THOP1: variants seen among roughly 807,000 people sequenced by gnomAD.
The protein encoded by THOP1 is thimet oligopeptidase.
THOP1 carries 49 observed loss-of-function variants against 71.8 expected under a neutral mutation model. That is an observed-to-expected ratio of 0.68 (90% CI 0.54 to 0.87). The LOEUF is 0.87. THOP1 is among the 40% of genes least tolerant of loss of function. The pLI is 0.00. For synonymous variants in THOP1, 426 were observed against 421.5 expected (o/e 1.01, Z -0.13); for missense variants, 843 against 975.6 (o/e 0.86, Z 1.81).
In THOP1 at chr19:2,794,840, C is replaced by T; in HGVS notation, c.306C>T (p.Asp102=). 2.5e-6 allele frequency: 4 copies of T among 1,614,054 alleles called. No homozygotes were observed. The highest frequency in any genetic ancestry group is 3.4e-6 in the Non-Finnish European group (4 of 1,179,982). The change falls in exon 3 of 13, where the codon GAC becomes GAT. Residue 102 remains aspartate (D), a synonymous_variant. Coordinates refer to ENST00000307741, the MANE Select transcript of THOP1 (RefSeq NM_003249.5). ...KDIRTASTEA[D]KKLSEFDVEM... Reference sequence around the variant, plus strand: ...TCCGGACAGCCAGCACAGAGGCCGACAAGAAGCTCTCTGAGTTCGACGTGG... The same window carrying T: ...TCCGGACAGCCAGCACAGAGGCCGATAAGAAGCTCTCTGAGTTCGACGTGG...
rs181730165 is a variant in THOP1, at chr19:2,802,874, A to G, written c.590-2142A>G. Among the ~76,000 whole-genome samples the G allele has an allele frequency of 1.8e-4, 27 of 152,330 alleles. 1 individual carries two copies. Among genetic ancestry groups the G allele is most frequent in the East Asian group, 1.7e-3 (9 of 5,178 alleles). ...TCTTATTCCCGGGTTATCATTCATT[A>G]TCATTTATCCCAGTGCTCAAATCGT... On this transcript the variant is annotated intron_variant, in intron 5 of 12. Coordinates refer to ENST00000307741, the MANE Select transcript of THOP1 (RefSeq NM_003249.5).
At chr19:2,799,215 A>G (rs1285812528) in intron 4 of THOP1, among the ~76,000 whole-genome samples, 2 of 152,108 alleles carry the variant, frequency 1.3e-5, no homozygotes, top group Non-Finnish European at 2.9e-5. Context: ...AGTCCTAGCT[A>G]CTCAGGAGGC....
intron 5 of THOP1, among the ~76,000 whole-genome samples, chr19:2,800,944 T>C (rs907100204): frequency 1.3e-5 from 2 of 152,016 alleles, no homozygotes; most frequent in African/African-American, 2.4e-5. Context: ...CGGTGCCTGA[T>C]GTTCTAGAAG....
At position 2,814,641 on chromosome 19, in the gene THOP1, C is replaced by A; in HGVS notation, c.*1365C>A. On this transcript the variant is annotated 3_prime_UTR_variant, in exon 13 of 13. Transcript: ENST00000307741. ...TCCATGCACCTGCTTCTGTGTCTTTCCAACTCTGGGGGCTAAGGGGTGAGT... is the reference window on the plus strand; with the variant it reads ...TCCATGCACCTGCTTCTGTGTCTTTACAACTCTGGGGGCTAAGGGGTGAGT... The A allele has an allele frequency of 6.5e-6, 1 of 153,034 alleles. No homozygotes were observed. Among genetic ancestry groups the A allele is most frequent in the Non-Finnish European group, 1.5e-5 (1 of 68,586 alleles). 9.5% of individuals were successfully genotyped at this position (153,034 alleles called of 1,614,324 possible).
intron 1 of THOP1, among the ~76,000 whole-genome samples, chr19:2,787,971 A>G (rs564825561): frequency 2.6e-5 from 4 of 152,306 alleles, no homozygotes; most frequent in South Asian, 4.1e-4. Context: ...CAGCCTCCCT[A>G]GTGATTTGGA....
chr19:2,802,467 CG>C (rs1916175317), intron 5 of THOP1, among the ~76,000 whole-genome samples: 2 of 147,252 alleles, frequency 1.4e-5, no homozygotes, highest in East Asian at 2.0e-4. Context: ...CCCCACCTCC[CG>C]ACACCAACAC....
At chr19:2,810,160 T>C (rs1916419594) in intron 9 of THOP1, 144 bp from the exon 10 acceptor site, 4 of 1,105,322 alleles carry the variant, frequency 3.6e-6, no homozygotes, top group Non-Finnish European at 3.7e-6. Context: ...CCGGTCGTTT[T>C]CCAGTTTTGG....
chr19:2,787,862 G>A (rs1287674402), intron 1 of THOP1, among the ~76,000 whole-genome samples: 1 of 152,186 alleles, frequency 6.6e-6, no homozygotes, highest in Non-Finnish European at 1.5e-5. Flanking sequence ...CCCAGAAAAC[G>A]ATCCGGCCCC....
At position 2,808,285 on chromosome 19, in the gene THOP1, C is replaced by T. The variant is rs376013691; in HGVS notation, c.1296C>T (p.Pro432=). ...ACGCGGCCTGCTTTGGCCTGCAGCC[C>T]GGCTGCCTGCGGCAGGATGGGAGCC... ...YGHAACFGLQ[P]GCLRQDGSRQ... The change falls in exon 9 of 13, where the codon CCC becomes CCT. Residue 432 remains proline, a synonymous_variant. Transcript: ENST00000307741. 3.6e-3 allele frequency: 5,561 copies of T among 1,563,128 alleles called. 14 individuals carry two copies. Among genetic ancestry groups the T allele is most frequent in the Non-Finnish European group, 4.1e-3 (4,735 of 1,153,914 alleles).
In THOP1 at chr19:2,815,233, C is replaced by T. The variant is rs1916574954; in HGVS notation, c.*1957C>T. ...CGAAGTCCCAGTTGTGCAAGAGCAC[C>T]CCAGCTGGGCCCTGGGCCATCACAG... On this transcript the variant is annotated 3_prime_UTR_variant, in exon 13 of 13. Coordinates refer to ENST00000307741, the MANE Select transcript of THOP1 (RefSeq NM_003249.5). 6.6e-6 allele frequency: 1 copy of T among 152,314 alleles called. No individual in the cohort carries two copies. The allele number at this position is 152,314 out of a possible 1,614,324, so 9.4% of individuals were successfully genotyped here. A position where few individuals can be genotyped will look rare whatever the true frequency, so the allele number is the denominator to read the frequency against.
At chr19:2,800,815 G>A (rs971333082) in intron 5 of THOP1, among the ~76,000 whole-genome samples, 4 of 151,922 alleles carry the variant, frequency 2.6e-5, no homozygotes, top group African/African-American at 7.3e-5. Context: ...CTGATCACCC[G>A]CACCATTCCC....
rs1216420701 is a variant in THOP1 at position 2,808,433 on chromosome 19, C to G, written c.1444C>G (p.Leu482Val). ...FHEFGHVMHQLCSQAEFAMFS... is the reference protein window; with the variant it reads ...FHEFGHVMHQVCSQAEFAMFS... Reference sequence around the variant, plus strand: ...TGAGTTTGGCCACGTGATGCACCAGCTCTGCTCCCAGGTGGGTGCGGGCCC... The same window carrying G: ...TGAGTTTGGCCACGTGATGCACCAGGTCTGCTCCCAGGTGGGTGCGGGCCC... The change falls in exon 9 of 13, where the codon CTC becomes GTC. Residue 482 changes from leucine to valine, a missense_variant. By Grantham distance (32) the Leu-to-Val change is conservative. Coordinates refer to ENST00000307741, the MANE Select transcript of THOP1 (RefSeq NM_003249.5). 4 of 1,605,444 alleles carry G rather than the reference C, an allele frequency of 2.5e-6. No homozygotes were observed. Among genetic ancestry groups the G allele is most frequent in the African/African-American group, 1.3e-5 (1 of 74,788 alleles).
chr19:2,810,131 G>A, intron 9 of THOP1, 173 bp from the exon 10 acceptor site: 2 of 808,518 alleles, frequency 2.5e-6, no homozygotes, highest in Non-Finnish European at 1.9e-6. Context: ...GCCAGCAGCA[G>A]CCCAGGGGCC....
In THOP1 at chr19:2,799,724, G is replaced by C. The variant is rs1247600189; in HGVS notation, c.522G>C (p.Leu174=). 1 of 1,613,986 alleles carries C rather than the reference G, an allele frequency of 6.2e-7. No homozygotes were observed. The highest frequency in any genetic ancestry group is 1.1e-5 in the South Asian group (1 of 91,084). ...GCATCAAGAAGAAGCTGAGCCTTCTGTGCATCGACTTCAACAAGAACCTGA... is the reference window on the plus strand; with the variant it reads ...GCATCAAGAAGAAGCTGAGCCTTCTCTGCATCGACTTCAACAAGAACCTGA... The part of the protein sequence containing the change: ...IKRIKKKLSL[L]CIDFNKNLNE... Residue 174 remains leucine (L), a synonymous_variant, in exon 5 of 13, where the codon CTG becomes CTC. Coordinates refer to ENST00000307741, the MANE Select transcript of THOP1 (RefSeq NM_003249.5).
At chr19:2,797,268 G>C (rs954800268) in intron 4 of THOP1, among the ~76,000 whole-genome samples, 5 of 152,122 alleles carry the variant, frequency 3.3e-5, no homozygotes, top group African/African-American at 4.8e-5. Flanking sequence ...GTAGGGGCTC[G>C]AGACTAGTTG....
intron 4 of THOP1, 75 bp downstream of exon 4, chr19:2,796,263 C>A: frequency 2.4e-6 from 3 of 1,224,624 alleles, no homozygotes; most frequent in South Asian, 1.3e-5. Context: ...AGGGAGTGCT[C>A]AGTCCCAGGG....
chr19:2,803,417 G>C (rs146622114), intron 5 of THOP1, among the ~76,000 whole-genome samples: 167 of 152,302 alleles, frequency 1.1e-3, no homozygotes, highest in Middle Eastern at 3.4e-3. Flanking sequence ...CACAGTGAAC[G>C]TGAACTATGC....
chr19:2,795,269 C>T (rs1337169571), intron 3 of THOP1, among the ~76,000 whole-genome samples: 1 of 152,262 alleles, frequency 6.6e-6, no homozygotes, highest in Non-Finnish European at 1.5e-5. Flanking sequence ...CACACATGTG[C>T]ACTTTCATTT....
chr19:2,794,894 G>A lies in THOP1; in HGVS notation c.360G>A (p.Gln120=). 1 of 1,613,052 alleles carries A rather than the reference G, an allele frequency of 6.2e-7. No individual in the cohort carries two copies. The highest frequency in any genetic ancestry group is 8.5e-7 in the Non-Finnish European group (1 of 1,179,152). The part of the protein sequence containing the change: ...VEMSMREDVY[Q]RIVWLQEKVQ... The stretch of plus-strand genomic sequence containing the variant: ...TGAGCATGAGGGAGGACGTGTACCA[G>A]AGGATCGTGTGGCTCCAGGTGAGGG... The change falls in exon 3 of 13, where the codon CAG becomes CAA. Residue 120 remains glutamine, a synonymous_variant. Transcript: ENST00000307741.
Sources: allele counts gnomAD v4.1 joint callset (sites outside exome capture counted in the v4.1 genomes callset), GRCh38; gene constraint gnomAD v4.1.1; transcripts MANE v1.5; gene names NCBI Gene and HGNC (gene_info 2026-07-23, HGNC 2026-07-21).